CDKAL1: variants seen among roughly 807,000 people sequenced by gnomAD.
CDKAL1 encodes threonylcarbamoyladenosine tRNA methylthiotransferase.
In CDKAL1, 32 loss-of-function variants were observed where a neutral mutation model predicts 68.2. The observed-to-expected ratio is 0.47, with a 90% CI of 0.35 to 0.63. CDKAL1 has a LOEUF of 0.63. CDKAL1 is among the 30% of genes least tolerant of loss of function. The pLI is 0.00. For missense variants in CDKAL1, 606 were observed against 696.7 expected (o/e 0.87, Z 1.47); for synonymous variants, 234 against 244.3 (o/e 0.96, Z 0.39).
chr6:20,896,128 G>A (rs1395324761), intron 9 of CDKAL1, among the ~76,000 whole-genome samples: 1 of 110,032 alleles, frequency 9.1e-6, no homozygotes, highest in Non-Finnish European at 1.7e-5. Context: ...TTGAGATGGA[G>A]TCTTGCTCTG....
intron 8 of CDKAL1, among the ~76,000 whole-genome samples, chr6:20,789,644 G>A (rs1266060141): frequency 6.6e-6 from 1 of 152,048 alleles, no homozygotes; most frequent in Admixed American, 6.5e-5. Context: ...TTGCTTATCC[G>A]ATTTCTAACA....
At chr6:20,609,583 ATGGGGTT>A (rs1238207546) in intron 4 of CDKAL1, among the ~76,000 whole-genome samples, 1 of 151,604 alleles carries the variant, frequency 6.6e-6, no homozygotes, top group Non-Finnish European at 1.5e-5. Flanking sequence ...TTTAGTAGAG[ATGGGGTT>A]TCACCATGTT....
chr6:20,780,670 C>CTTTTTTT (rs1223553462), intron 7 of CDKAL1, among the ~76,000 whole-genome samples: 127 of 38,070 alleles, frequency 3.3e-3, no homozygotes, highest in African/African-American at 9.0e-3. Context: ...ATTTCTTTTT[C>CTTTTTTT]TTTTTTTTTT....
At chr6:21,122,168 G>T (rs75513894) in intron 13 of CDKAL1, among the ~76,000 whole-genome samples, 2 of 152,104 alleles carry the variant, frequency 1.3e-5, no homozygotes, top group East Asian at 3.8e-4. Flanking sequence ...ATCTGTACAG[G>T]ATCCTAATAA....
chr6:20,849,235 GT>G (rs575345073), intron 9 of CDKAL1, among the ~76,000 whole-genome samples: 2 of 151,974 alleles, frequency 1.3e-5, no homozygotes, highest in Admixed American at 6.6e-5. Context: ...AATATTTAAT[GT>G]TTTTATTTTA....
At chr6:20,619,526 T>C (rs943628015) in intron 4 of CDKAL1, among the ~76,000 whole-genome samples, 3 of 152,218 alleles carry the variant, frequency 2.0e-5, no homozygotes, top group African/African-American at 7.2e-5. Context: ...AGAAATTATT[T>C]TTGCCAAATA....
At chr6:20,865,338 T>C (rs1279979700) in intron 9 of CDKAL1, among the ~76,000 whole-genome samples, 2 of 152,184 alleles carry the variant, frequency 1.3e-5, no homozygotes, top group Non-Finnish European at 2.9e-5. Flanking sequence ...GTTTGGATCA[T>C]TTTGAGAGAA....
intron 4 of CDKAL1, among the ~76,000 whole-genome samples, chr6:20,619,041 A>G (rs1254656586): frequency 2.6e-5 from 4 of 152,196 alleles, no homozygotes; most frequent in African/African-American, 4.8e-5. Flanking sequence ...AATATTTTAC[A>G]TAGCTATAAA....
intron 10 of CDKAL1, among the ~76,000 whole-genome samples, chr6:20,985,523 G>C (rs1766405781): frequency 1.3e-5 from 2 of 152,186 alleles, no homozygotes; most frequent in South Asian, 2.1e-4. Flanking sequence ...TTGAACTCCT[G>C]ATCTCAGGTG....
chr6:21,003,343 A>AATATATATATATATACATATAT (rs1554159045), intron 11 of CDKAL1, among the ~76,000 whole-genome samples: 1 of 40,450 alleles, frequency 2.5e-5, no homozygotes, highest in African/African-American at 8.9e-5. Flanking sequence ...ATCTCTACTA[A>AATATATATATATATACATATAT]ATATATATAT....
intron 13 of CDKAL1, among the ~76,000 whole-genome samples, chr6:21,185,869 A>G (rs968522219): frequency 3.9e-5 from 6 of 152,210 alleles, no homozygotes; most frequent in Non-Finnish European, 7.3e-5. Context: ...TTATATTCCT[A>G]TAAACTGCAT....
intron 5 of CDKAL1, among the ~76,000 whole-genome samples, chr6:20,662,184 GATA>G (rs1347676049): frequency 1.3e-5 from 2 of 151,998 alleles, no homozygotes; most frequent in African/African-American, 4.8e-5. Flanking sequence ...TTTAATAACT[GATA>G]ATAAGTGAAA....
chr6:20,933,936 T>TC (rs1413794742), intron 9 of CDKAL1, among the ~76,000 whole-genome samples: 1 of 151,950 alleles, frequency 6.6e-6, no homozygotes, highest in African/African-American at 2.4e-5. Context: ...TTTTTTTTTT[T>TC]TTAAATAGTA....
At chr6:20,756,400 G>T (rs763571592) in intron 6 of CDKAL1, among the ~76,000 whole-genome samples, 5 of 151,950 alleles carry the variant, frequency 3.3e-5, no homozygotes, top group African/African-American at 1.2e-4. Flanking sequence ...TTTGATTCCC[G>T]TATTGTTAAA....
At position 20,759,339 on chromosome 6, in the gene CDKAL1, C is replaced by T. The variant is rs538559621; in HGVS notation, c.517+696C>T. The stretch of plus-strand genomic sequence containing the variant: ...GTTGGATTGCTTGAGCCCAGGAGTT[C>T]GAGACCAGCTTGGGCAACATGGCGA... On this transcript the variant is annotated intron_variant, in intron 7 of 15. Transcript: ENST00000274695. 2.7e-3 allele frequency among the ~76,000 whole-genome samples: 414 copies of T among 152,066 alleles called. 3 individuals are homozygous for T. Among genetic ancestry groups the T allele is most frequent in the Non-Finnish European group, 3.2e-3 (217 of 67,990 alleles).
At position 20,679,892 on chromosome 6, in the gene CDKAL1, T is replaced by G. The variant is rs75592029; in HGVS notation, c.371+30515T>G. 1.3e-5 allele frequency among the ~76,000 whole-genome samples: 2 copies of G among 152,040 alleles called. 1 individual carries two copies. Among genetic ancestry groups the G allele is most frequent in the Admixed American group, 1.3e-4 (2 of 15,268 alleles). ...CCAAGTAAATTCTCCCAGGTACTGG[T>G]TGACCCTTTTAATATGCAGATTCAA... On this transcript the variant is annotated intron_variant, in intron 5 of 15. Transcript: ENST00000274695.
chr6:21,190,575 T>TA, intron 13 of CDKAL1, among the ~76,000 whole-genome samples: 1 of 152,096 alleles, frequency 6.6e-6, no homozygotes, highest in Non-Finnish European at 1.5e-5. Context: ...TCATGTTGGC[T>TA]AAGCTGGTCT....
intron 4 of CDKAL1, among the ~76,000 whole-genome samples, chr6:20,615,036 T>A (rs1346216890): frequency 1.4e-5 from 2 of 138,744 alleles, no homozygotes; most frequent in East Asian, 4.6e-4. Flanking sequence ...GGTGTTTGGT[T>A]TTTTGTTCTT....
chr6:20,583,061 A>G (rs1765201865), intron 4 of CDKAL1, among the ~76,000 whole-genome samples: 1 of 151,912 alleles, frequency 6.6e-6, no homozygotes, highest in Non-Finnish European at 1.5e-5. Context: ...TTTCTGAGGG[A>G]TTTTTTTTGG....
Sources: allele counts gnomAD v4.1 joint callset (sites outside exome capture counted in the v4.1 genomes callset), GRCh38; gene constraint gnomAD v4.1.1; transcripts MANE v1.5; gene names NCBI Gene and HGNC (gene_info 2026-07-23, HGNC 2026-07-21).